The following ERGIC2 variants were observed in gnomAD, a reference collection of about 807,000 sequenced individuals.
The protein encoded by ERGIC2 is ERGIC and golgi 2.
In ERGIC2, 31 loss-of-function variants were observed where a neutral mutation model predicts 52.5. That is an observed-to-expected ratio of 0.59 (90% CI 0.44 to 0.80). ERGIC2 has a LOEUF of 0.80. Among genes scored for constraint, ERGIC2 ranks in the 30% least tolerant of loss-of-function variants. ERGIC2 has a pLI of 0.00. For synonymous variants in ERGIC2, 129 were observed against 140.6 expected (o/e 0.92, Z 0.58); for missense variants, 395 against 455.2 (o/e 0.87, Z 1.20).
At chr12:29,372,110 C>T (rs535143109) in intron 1 of ERGIC2, among the ~76,000 whole-genome samples, 19 of 152,112 alleles carry the variant, frequency 1.2e-4, no homozygotes, top group Middle Eastern at 3.4e-3. Flanking sequence ...GAGGCCGAGG[C>T]GGGTGGATCA....
At chr12:29,357,554 C>T in intron 7 of ERGIC2, 69 bp downstream of exon 7, 1 of 827,898 alleles carries the variant, frequency 1.2e-6, no homozygotes, top group South Asian at 1.5e-5. Flanking sequence ...ACTAAACCAA[C>T]ACTTTAGTTT....
At chr12:29,352,144 C>T (rs1240562157) in intron 8 of ERGIC2, among the ~76,000 whole-genome samples, 1 of 152,048 alleles carries the variant, frequency 6.6e-6, no homozygotes, top group Non-Finnish European at 1.5e-5. Context: ...ATAACTGCAT[C>T]ACTACAATTC....
At chr12:29,341,839 G>C in intron 12 of ERGIC2, 23 bp from the exon 13 acceptor site, 1 of 1,127,508 alleles carries the variant, frequency 8.9e-7, no homozygotes, top group Non-Finnish European at 1.3e-6. Flanking sequence ...ATAAGTTTAT[G>C]CTTTTAATTA....
chr12:29,367,342 G>A (rs187399330), intron 4 of ERGIC2, among the ~76,000 whole-genome samples: 1 of 151,828 alleles, frequency 6.6e-6, no homozygotes, highest in African/African-American at 2.4e-5. Flanking sequence ...TATTTTTAGA[G>A]ATTAAAAGAA....
intron 5 of ERGIC2, among the ~76,000 whole-genome samples, chr12:29,365,150 G>T (rs1940341697): frequency 6.6e-6 from 1 of 152,018 alleles, no homozygotes; most frequent in South Asian, 2.1e-4. Flanking sequence ...AAAGACACAT[G>T]CACTCTGATC....
At chr12:29,361,749 T>C (rs1940289921) in intron 5 of ERGIC2, 64 bp from the exon 6 acceptor site, 1 of 1,388,318 alleles carries the variant, frequency 7.2e-7, no homozygotes, top group East Asian at 2.4e-5. Flanking sequence ...CATCATAATT[T>C]AAAATTTTTT....
At chr12:29,349,257 T>C (rs1159516450) in intron 9 of ERGIC2, 80 bp from the exon 10 acceptor site, 1 of 545,676 alleles carries the variant, frequency 1.8e-6, no homozygotes, top group African/African-American at 2.0e-5. Context: ...GTTTACATCC[T>C]TATCTATTCT....
At chr12:29,365,070 T>C (rs1022313298) in intron 5 of ERGIC2, among the ~76,000 whole-genome samples, 11 of 152,016 alleles carry the variant, frequency 7.2e-5, no homozygotes, top group African/African-American at 2.4e-4. Context: ...TCAAAGAACG[T>C]AGAGTATTAT....
intron 11 of ERGIC2, among the ~76,000 whole-genome samples, chr12:29,344,584 T>C (rs1016133662): frequency 7.9e-5 from 12 of 152,126 alleles, no homozygotes; most frequent in Non-Finnish European, 1.6e-4. Flanking sequence ...TTATATGAAC[T>C]TGTACTTTCT....
At chr12:29,375,205 T>C (rs936150765) in intron 1 of ERGIC2, among the ~76,000 whole-genome samples, 1 of 152,190 alleles carries the variant, frequency 6.6e-6, no homozygotes, top group Non-Finnish European at 1.5e-5. Context: ...AAAAAAACTT[T>C]CCATGGCCTT....
chr12:29,352,019 C>T (rs1940139423), intron 8 of ERGIC2, among the ~76,000 whole-genome samples: 1 of 152,068 alleles, frequency 6.6e-6, no homozygotes, highest in Non-Finnish European at 1.5e-5. Context: ...GTACACTGTG[C>T]TTTAAAAATG....
At chr12:29,363,434 T>C (rs761003900) in intron 5 of ERGIC2, among the ~76,000 whole-genome samples, 6 of 151,858 alleles carry the variant, frequency 4.0e-5, no homozygotes, top group African/African-American at 1.4e-4. Flanking sequence ...AACACTTTTA[T>C]ATAAATTAGC....
At position 29,366,272 on chromosome 12, in the gene ERGIC2, T is replaced by A. The variant is rs1398626430; in HGVS notation, c.333+605A>T. On this transcript the variant is annotated intron_variant, in intron 5 of 13. Transcript: ENST00000360150. ...GATCATGACTCGTTATCACTGTATC[T>A]GCCACTGAAATGTGACAATATTTTC... Among the ~76,000 whole-genome samples, 4 of 151,954 alleles carry A rather than the reference T, an allele frequency of 2.6e-5. No homozygotes were observed. The East Asian group carries it at 7.7e-4, about 29-fold the overall frequency.
chr12:29,378,131 G>A (rs1244661625), intron 1 of ERGIC2, among the ~76,000 whole-genome samples: 1 of 152,170 alleles, frequency 6.6e-6, no homozygotes, highest in Non-Finnish European at 1.5e-5. Flanking sequence ...CTGGATCAGG[G>A]TGCTCCAAAA....
chr12:29,371,021 C>A (rs1408507966), intron 2 of ERGIC2, among the ~76,000 whole-genome samples: 1 of 152,056 alleles, frequency 6.6e-6, no homozygotes, highest in Non-Finnish European at 1.5e-5. Flanking sequence ...TATTTTACTA[C>A]CTTTTCATAG....
intron 3 of ERGIC2, among the ~76,000 whole-genome samples, chr12:29,369,246 C>T (rs1940406398): frequency 6.6e-6 from 1 of 151,838 alleles, no homozygotes; most frequent in Non-Finnish European, 1.5e-5. Context: ...ATACATAAGA[C>T]TTCATTTGGA....
chr12:29,345,705 G>A, intron 10 of ERGIC2, 165 bp from the exon 11 acceptor site: 1 of 603,826 alleles, frequency 1.7e-6, no homozygotes, highest in Non-Finnish European at 3.0e-6. Flanking sequence ...CTTGAGTGTG[G>A]GAGTTCAAGA....
At chr12:29,352,261 C>A (rs932984305) in intron 8 of ERGIC2, among the ~76,000 whole-genome samples, 1 of 152,164 alleles carries the variant, frequency 6.6e-6, no homozygotes, top group Non-Finnish European at 1.5e-5. Flanking sequence ...AACAAATGAG[C>A]ATGGCTATAT....
intron 1 of ERGIC2, among the ~76,000 whole-genome samples, chr12:29,377,937 T>C (rs1278001653): frequency 6.6e-6 from 1 of 152,206 alleles, no homozygotes; most frequent in Non-Finnish European, 1.5e-5. Flanking sequence ...TAATACATAT[T>C]TGGCAATATG....
Sources: gnomAD v4.1 joint callset for allele counts (sites outside exome capture counted in the v4.1 genomes callset) on GRCh38, gnomAD v4.1.1 for gene constraint, MANE v1.5 for transcripts, NCBI Gene and HGNC (gene_info 2026-07-23, HGNC 2026-07-21) for gene names.